NHSL2: variants seen among roughly 807,000 people sequenced by gnomAD.
The protein encoded by NHSL2 is NHS-like protein 2.
NHSL2 carries 27 observed loss-of-function variants against 53.4 expected under a neutral mutation model. That is an observed-to-expected ratio of 0.51 (90% CI 0.37 to 0.70). The LOEUF (loss-of-function observed/expected upper bound fraction) is 0.70, where lower values mean the gene tolerates loss of function less well. NHSL2 is among the 30% of genes least tolerant of loss of function. The pLI, the probability that NHSL2 is intolerant of heterozygous loss-of-function variation, is 0.00. For missense variants in NHSL2, 892 were observed against 980.1 expected, an observed-to-expected ratio of 0.91 and a Z score of 1.20; for synonymous variants, 408 against 404.1, an observed-to-expected ratio of 1.01 and a Z score of -0.12.
chrX:71,933,184 G>A (rs1260355021), intron 1 of NHSL2, among the ~76,000 whole-genome samples: 1 of 110,960 alleles, frequency 9.0e-6, no homozygotes. Context: ...ACCTGGATTT[G>A]TTGTTTGTGC....
At chrX:71,969,198 T>C (rs1211302796) in intron 1 of NHSL2, among the ~76,000 whole-genome samples, 1 of 112,062 alleles carries the variant, frequency 8.9e-6, no homozygotes, top group East Asian at 2.7e-4. Context: ...TTTAAGATTT[T>C]TTCAACCATG....
chrX:72,067,552 A>T (rs768713257), intron 1 of NHSL2, among the ~76,000 whole-genome samples: 14 of 112,405 alleles, frequency 1.2e-4, no homozygotes, highest in African/African-American at 4.2e-4. Context: ...AGAGGTCAGG[A>T]ACCAAACATT....
chrX:71,939,817 G>A (rs905996784), intron 1 of NHSL2, among the ~76,000 whole-genome samples: 12 of 112,071 alleles, frequency 1.1e-4, no homozygotes, highest in African/African-American at 3.6e-4. Context: ...ATAAATGTTA[G>A]CTATTATAGG....
At chrX:72,088,155 C>T (rs2041866585) in intron 1 of NHSL2, among the ~76,000 whole-genome samples, 2 of 111,856 alleles carry the variant, frequency 1.8e-5, no homozygotes, top group African/African-American at 6.5e-5. Flanking sequence ...AGCTTGAACC[C>T]GGGAGGCAGA....
intron 1 of NHSL2, among the ~76,000 whole-genome samples, chrX:71,947,615 A>G (rs2041798838): frequency 8.9e-6 from 1 of 111,846 alleles, no homozygotes; most frequent in African/African-American, 3.3e-5. Context: ...AGGGTGCTTC[A>G]TAAATTGTGT....
At chrX:72,015,407 T>C (rs909843082) in intron 1 of NHSL2, among the ~76,000 whole-genome samples, 3 of 112,495 alleles carry the variant, frequency 2.7e-5, no homozygotes, top group Non-Finnish European at 5.6e-5. Flanking sequence ...TATTCACCCA[T>C]TGATGAACTT....
intron 1 of NHSL2, among the ~76,000 whole-genome samples, chrX:72,051,164 T>C (rs989021388): frequency 3.6e-5 from 4 of 112,278 alleles, no homozygotes; most frequent in African/African-American, 9.7e-5. Flanking sequence ...TTTACACCCA[T>C]AGATGTAGTT....
chrX:72,074,564 C>T (rs2041725850), intron 1 of NHSL2, among the ~76,000 whole-genome samples: 1 of 111,992 alleles, frequency 8.9e-6, no homozygotes, highest in Non-Finnish European at 1.9e-5. Flanking sequence ...CGTGATATGC[C>T]CACATTTTCT....
In NHSL2 at chrX:72,092,577, G is replaced by A. The variant is rs1242197222; in HGVS notation, c.281-39502G>A. 3.6e-5 allele frequency among the ~76,000 whole-genome samples: 4 copies of A among 111,550 alleles called. No homozygotes were observed. The East Asian group carries it at 1.1e-3, about 31-fold the overall frequency. On this transcript the variant is annotated intron_variant, in intron 1 of 7. Coordinates refer to ENST00000633930, the MANE Select transcript of NHSL2 (RefSeq NM_001013627.3). ...ATTTGTGACCTAAAGAACAGTGCCC[G>A]GCACAGAGTAGCCACTCAACAAAAT...
At chrX:72,142,472 A>C in intron 7 of NHSL2, 108 bp downstream of exon 7, 1 of 664,306 alleles carries the variant, frequency 1.5e-6, no homozygotes, top group Non-Finnish European at 2.2e-6. Context: ...AAAAGAAAAA[A>C]ATTAAAAATA....
At chrX:71,939,805 C>T (rs979908973) in intron 1 of NHSL2, among the ~76,000 whole-genome samples, 8 of 111,527 alleles carry the variant, frequency 7.2e-5, no homozygotes, top group Non-Finnish European at 1.3e-4. Flanking sequence ...AGAAAATGTT[C>T]GATAAATGTT....
intron 1 of NHSL2, among the ~76,000 whole-genome samples, chrX:72,004,627 G>GC (rs369113878): frequency 2.7e-4 from 30 of 110,808 alleles, no homozygotes; most frequent in African/African-American, 8.5e-4. Flanking sequence ...TGCAATTCAG[G>GC]CCATGTGGTG....
intron 1 of NHSL2, among the ~76,000 whole-genome samples, chrX:72,014,128 C>G (rs1265764754): frequency 9.0e-6 from 1 of 111,583 alleles, no homozygotes; most frequent in Non-Finnish European, 1.9e-5. Flanking sequence ...CCCTTATTAC[C>G]CATTTGATGT....
At chrX:72,015,896 A>G (rs1264214660) in intron 1 of NHSL2, among the ~76,000 whole-genome samples, 1 of 112,264 alleles carries the variant, frequency 8.9e-6, no homozygotes, top group African/African-American at 3.2e-5. Context: ...TGTCTAATAC[A>G]TACATTTCAA....
At chrX:72,117,471 G>A (rs2042148155) in intron 1 of NHSL2, among the ~76,000 whole-genome samples, 1 of 108,214 alleles carries the variant, frequency 9.2e-6, no homozygotes, top group African/African-American at 3.4e-5. Context: ...TCATCCATTT[G>A]AAGCATACAA....
intron 1 of NHSL2, among the ~76,000 whole-genome samples, chrX:71,917,243 C>G (rs1602257623): frequency 1.1e-5 from 1 of 90,586 alleles, no homozygotes; most frequent in Admixed American, 1.2e-4. Flanking sequence ...TCCTCCCTCC[C>G]TTCCTCTCTC....
intron 1 of NHSL2, among the ~76,000 whole-genome samples, chrX:72,042,492 T>C (rs747122323): frequency 4.1e-4 from 46 of 111,718 alleles, no homozygotes; most frequent in Non-Finnish European, 7.9e-4. Context: ...CCACTTCCTC[T>C]CTGAAGACAG....
At chrX:71,991,247 C>T (rs1290135231) in intron 1 of NHSL2, among the ~76,000 whole-genome samples, 6 of 112,640 alleles carry the variant, frequency 5.3e-5, no homozygotes, top group Non-Finnish European at 1.1e-4. Context: ...TGGTTCCCCA[C>T]TCTTCTCCCA....
chrX:71,931,227 T>C (rs2041711401), intron 1 of NHSL2, among the ~76,000 whole-genome samples: 1 of 112,494 alleles, frequency 8.9e-6, no homozygotes, highest in African/African-American at 3.2e-5. Flanking sequence ...TATTATTTTG[T>C]TGTGGAATTA....
Sources: allele counts gnomAD v4.1 joint callset (sites outside exome capture counted in the v4.1 genomes callset), GRCh38; gene constraint gnomAD v4.1.1; transcripts MANE v1.5; gene names NCBI Gene and HGNC (gene_info 2026-07-23, HGNC 2026-07-21).